Variants in CUX2 observed in about 807,000 individuals in gnomAD.
CUX2 encodes homeobox protein cut-like 2.
A neutral mutation model predicts 144.8 loss-of-function variants in CUX2; 40 were observed. The observed-to-expected ratio is 0.28, with a 90% CI of 0.21 to 0.36. The LOEUF (loss-of-function observed/expected upper bound fraction) is 0.36, where lower values mean the gene tolerates loss of function less well. Among genes scored for constraint, CUX2 ranks in the 10% least tolerant of loss-of-function variants. CUX2 has a pLI of 1.00. For synonymous variants in CUX2, 827 were observed against 875.6 expected (o/e 0.94, Z 0.98); for missense variants, 1,615 against 1,994.0 (o/e 0.81, Z 3.62).
chr12:111,242,125 T>C (rs1883047580), intron 3 of CUX2, among the ~76,000 whole-genome samples: 1 of 152,264 alleles, frequency 6.6e-6, no homozygotes, highest in Non-Finnish European at 1.5e-5. Context: ...AATAACAGTA[T>C]CACCTGCTAT....
At chr12:111,210,880 C>G (rs1222049349) in intron 1 of CUX2, among the ~76,000 whole-genome samples, 2 of 152,076 alleles carry the variant, frequency 1.3e-5, no homozygotes, top group African/African-American at 4.8e-5. Flanking sequence ...TGAACACCCC[C>G]CAGCTGATGG....
chr12:111,322,247 G>A lies in CUX2; in HGVS notation c.2767-174G>A, dbSNP rs1887571695. ...GCAGGAGAATCATTTGAACCTGGGA[G>A]GCGGAGTTTGCAGTGAGCTGAGATG... On this transcript the variant is annotated intron_variant, in intron 17 of 21. Coordinates refer to ENST00000261726, the MANE Select transcript of CUX2 (RefSeq NM_015267.4). This position sits in a 1 kb window ranked among gnomAD's most constrained non-coding sequence, Gnocchi z 4.2. Among the ~76,000 whole-genome samples, 1 of 151,454 alleles carries A rather than the reference G, an allele frequency of 6.6e-6. No individual in the cohort carries two copies. The highest frequency in any genetic ancestry group is 2.1e-4 in the South Asian group (1 of 4,780).
In CUX2 at chr12:111,098,884, C is replaced by A. The variant is rs574843777; in HGVS notation, c.63+64644C>A. 9.0e-4 allele frequency among the ~76,000 whole-genome samples: 137 copies of A among 152,344 alleles called. 2 individuals carry two copies. The highest frequency in any genetic ancestry group is 1.5e-5 in the Non-Finnish European group (1 of 68,026). Reference sequence around the variant, plus strand: ...CCGCCCATGGGGCTCATGCCTGGTGCAGGGGAAAGGGGGAGCACCGCAGAC... The same window carrying A: ...CCGCCCATGGGGCTCATGCCTGGTGAAGGGGAAAGGGGGAGCACCGCAGAC... On this transcript the variant is annotated intron_variant, in intron 1 of 21. Transcript: ENST00000261726.
intron 1 of CUX2, among the ~76,000 whole-genome samples, chr12:111,174,058 C>G (rs1309838525): frequency 2.6e-5 from 4 of 152,194 alleles, no homozygotes; most frequent in African/African-American, 9.7e-5. Context: ...TGTAGAGAAG[C>G]AGGCAGGGCC....
At chr12:111,225,308 C>T (rs1008665288) in intron 3 of CUX2, among the ~76,000 whole-genome samples, 1 of 152,166 alleles carries the variant, frequency 6.6e-6, no homozygotes, top group African/African-American at 2.4e-5. Flanking sequence ...CCCATGAGCC[C>T]CATGATGAAG....
intron 3 of CUX2, among the ~76,000 whole-genome samples, chr12:111,260,867 C>T (rs981512454): frequency 1.3e-5 from 2 of 152,264 alleles, no homozygotes; most frequent in Non-Finnish European, 2.9e-5. Context: ...ACCACATGCA[C>T]TCAGCTCAGG....
rs1878549193 is a variant in CUX2, at chr12:111,171,954, T to A, written c.64-42246T>A. On this transcript the variant is annotated intron_variant, in intron 1 of 21. Coordinates refer to ENST00000261726, the MANE Select transcript of CUX2 (RefSeq NM_015267.4). This position sits in a 1 kb window ranked among gnomAD's most constrained non-coding sequence, Gnocchi z 5.0. ...CTGTGCCTGTGTACACGTGCGTGTGTGTGCGTGCATGTGCATGCACCTGTG... is the reference window on the plus strand; with the variant it reads ...CTGTGCCTGTGTACACGTGCGTGTGAGTGCGTGCATGTGCATGCACCTGTG... Among the ~76,000 whole-genome samples the A allele has an allele frequency of 6.6e-6, 1 of 152,204 alleles. No homozygotes were observed. Among genetic ancestry groups the A allele is most frequent in the Non-Finnish European group, 1.5e-5 (1 of 68,026 alleles).
At position 111,291,488 on chromosome 12, in the gene CUX2, T is replaced by G. The variant is rs1275470346; in HGVS notation, c.372T>G (p.Ser124Arg). The G allele has an allele frequency of 1.2e-6, 2 of 1,611,428 alleles. No individual in the cohort carries two copies. The highest frequency in any genetic ancestry group is 1.7e-6 in the Non-Finnish European group (2 of 1,178,850). Reference protein sequence around the residue: ...DRLQPPSFDPSGQPRRDLHTS... With the variant: ...DRLQPPSFDPRGQPRRDLHTS... Reference sequence around the variant, plus strand: ...TGCAGCCCCCCAGCTTTGACCCCAGTGGGCAGCCCCGGCGAGACCTCCACA... The same window carrying G: ...TGCAGCCCCCCAGCTTTGACCCCAGGGGGCAGCCCCGGCGAGACCTCCACA... The change falls in exon 5 of 22, where the codon AGT becomes AGG. Residue 124 changes from serine to arginine, a missense_variant. Transcript: ENST00000261726.
At chr12:111,253,761 C>G (rs1341083178) in intron 3 of CUX2, among the ~76,000 whole-genome samples, 2 of 151,156 alleles carry the variant, frequency 1.3e-5, no homozygotes, top group Non-Finnish European at 2.9e-5. Flanking sequence ...CGTCTTAATG[C>G]TTTGCATGTA....
In CUX2 at chr12:111,174,234, G is replaced by C. The variant is rs1269962351; in HGVS notation, c.64-39966G>C. ...GAAGTGAGATGGCAGAGAATTGCATGGAGCCAGGGAGGCCCCTGCAAGCAT... is the reference window on the plus strand; with the variant it reads ...GAAGTGAGATGGCAGAGAATTGCATCGAGCCAGGGAGGCCCCTGCAAGCAT... On this transcript the variant is annotated intron_variant, in intron 1 of 21. Transcript: ENST00000261726. Among the ~76,000 whole-genome samples the C allele has an allele frequency of 2.0e-5, 3 of 152,344 alleles. No homozygotes were observed. The East Asian group carries it at 5.8e-4, about 29-fold the overall frequency.
chr12:111,100,620 T>C (rs1405054058), intron 1 of CUX2, among the ~76,000 whole-genome samples: 1 of 152,198 alleles, frequency 6.6e-6, no homozygotes, highest in Non-Finnish European at 1.5e-5. Context: ...CACAAGTGTG[T>C]GAATTGTATA....
chr12:111,087,500 A>C (rs1872304215), intron 1 of CUX2, among the ~76,000 whole-genome samples: 1 of 152,156 alleles, frequency 6.6e-6, no homozygotes, highest in African/African-American at 2.4e-5. Flanking sequence ...AGCAGGTAAT[A>C]CTATTCCTTG....
rs1233525912 is a variant in CUX2 at position 111,263,674 on chromosome 12, T to G, written c.223-87T>G. 1 of 1,075,452 alleles carries G rather than the reference T, an allele frequency of 9.3e-7. No homozygotes were observed. Among genetic ancestry groups the G allele is most frequent in the Non-Finnish European group, 1.4e-6 (1 of 713,746 alleles). 66.6% of individuals were successfully genotyped at this position (1,075,452 alleles called of 1,614,324 possible). On this transcript the variant is annotated intron_variant, in intron 3 of 21. Coordinates refer to ENST00000261726, the MANE Select transcript of CUX2 (RefSeq NM_015267.4). The surrounding 1 kb of genome is among the most constrained non-coding windows in gnomAD (Gnocchi z 4.0). ...ACAAAACAAAAAACCTGCAGATGTT[T>G]TCTTGTGGAAAAAAAAAATGATGAA...
intron 1 of CUX2, among the ~76,000 whole-genome samples, chr12:111,106,945 T>C (rs1873645717): frequency 6.6e-6 from 1 of 152,108 alleles, no homozygotes; most frequent in African/African-American, 2.4e-5. Context: ...AGCAGCTCAG[T>C]TGATAGGGTT....
rs1888074906 is a variant in CUX2, at chr12:111,330,724, T to TATATACAC, written c.2927-3712_2927-3711insCACATATA. 7.8e-5 allele frequency among the ~76,000 whole-genome samples: 4 copies of TATATACAC among 51,342 alleles called. 1 individual carries two copies. The highest frequency in any genetic ancestry group is 4.2e-4 in the African/African-American group (4 of 9,632). 33.7% of individuals were successfully genotyped at this position (51,342 alleles called of 152,430 possible). A position where few individuals can be genotyped will look rare whatever the true frequency, so the allele number is the denominator to read the frequency against. On this transcript the variant is annotated intron_variant, in intron 18 of 21. Coordinates refer to ENST00000261726, the MANE Select transcript of CUX2 (RefSeq NM_015267.4). ...ATATATATATATATATATATATATA[T>TATATACAC]ATATATATATATATATATATATATA...
Position 111,310,313 on chromosome 12 carries a change from T to G in CUX2, c.1531T>G (p.Phe511Val). The G allele has an allele frequency of 1.3e-6, 2 of 1,505,486 alleles. No individual in the cohort carries two copies. Among genetic ancestry groups the G allele is most frequent in the Non-Finnish European group, 1.8e-6 (2 of 1,123,258 alleles). The allele number at this position is 1,505,486 out of a possible 1,614,324, so 93.3% of individuals were successfully genotyped here. A position where few individuals can be genotyped will look rare whatever the true frequency, so the allele number is the denominator to read the frequency against. ...AGGLLVFPPAFYGAKPPTAPA... is the reference protein window; with the variant it reads ...AGGLLVFPPAVYGAKPPTAPA... Reference sequence around the variant, plus strand: ...CGGCCTGCTGGTGTTCCCCCCAGCCTTCTATGGCGCCAAGCCCCCCACAGC... The same window carrying G: ...CGGCCTGCTGGTGTTCCCCCCAGCCGTCTATGGCGCCAAGCCCCCCACAGC... Residue 511 changes from phenylalanine to valine, a missense_variant, in exon 15 of 22, where the codon TTC (phenylalanine) becomes GTC (valine). Transcript: ENST00000261726. This position sits in a 1 kb window ranked among gnomAD's most constrained non-coding sequence, Gnocchi z 7.9.
chr12:111,222,801 C>T (rs1332261193), intron 3 of CUX2, among the ~76,000 whole-genome samples: 1 of 152,126 alleles, frequency 6.6e-6, no homozygotes, highest in East Asian at 1.9e-4. Context: ...GAACGTTCTC[C>T]CTCTAATCAC....
chr12:111,152,480 T>A (rs1001064217), intron 1 of CUX2, among the ~76,000 whole-genome samples: 4 of 152,140 alleles, frequency 2.6e-5, no homozygotes, highest in African/African-American at 9.7e-5. Context: ...ACCATTGGCC[T>A]TGTGTTGGCA....
At chr12:111,142,543 A>C (rs923697349) in intron 1 of CUX2, among the ~76,000 whole-genome samples, 5 of 152,108 alleles carry the variant, frequency 3.3e-5, no homozygotes, top group South Asian at 2.1e-4. Flanking sequence ...AAAAAAAAAA[A>C]AAAACAGAAA....
Sources: gnomAD v4.1 joint callset for allele counts (sites outside exome capture counted in the v4.1 genomes callset) on GRCh38, gnomAD v4.1.1 for gene constraint, Gnocchi (gnomAD v3.1) non-coding constraint, MANE v1.5 for transcripts, NCBI Gene and HGNC (gene_info 2026-07-23, HGNC 2026-07-21) for gene names.